Variants in TMEM135 observed in about 807,000 individuals in gnomAD.
TMEM135 encodes peroxisomal membrane protein 52.
TMEM135 carries 30 observed loss-of-function variants against 60.3 expected under a neutral mutation model. The ratio of observed to expected loss-of-function variants is 0.50; its 90% CI spans 0.37 to 0.68. The LOEUF (loss-of-function observed/expected upper bound fraction) is 0.68, where lower values mean the gene tolerates loss of function less well. TMEM135 is among the 30% of genes least tolerant of loss of function. The pLI, the probability that TMEM135 is intolerant of heterozygous loss-of-function variation, is 0.00. For synonymous variants in TMEM135, 190 were observed against 186.7 expected (o/e 1.02, Z -0.14); for missense variants, 468 against 548.8 (o/e 0.85, Z 1.47).
chr11:87,271,788 T>C (rs577071026), intron 6 of TMEM135, among the ~76,000 whole-genome samples: 1 of 151,538 alleles, frequency 6.6e-6, no homozygotes, highest in South Asian at 2.1e-4. Context: ...ACAAAAAAAA[T>C]ACCTGAGCTT....
Position 87,323,836 on chromosome 11 carries a change from G to T in TMEM135, c.*2503G>T, listed in dbSNP as rs1383144743. 2 of 452,518 alleles carry T rather than the reference G, an allele frequency of 4.4e-6. No homozygotes were observed. The highest frequency in any genetic ancestry group is 4.4e-6 in the Non-Finnish European group (1 of 226,428). The allele number at this position is 452,518 out of a possible 1,614,324, so 28.0% of individuals were successfully genotyped here. A position where few individuals can be genotyped will look rare whatever the true frequency, so the allele number is the denominator to read the frequency against. ...AGGATCCATTTTATTACTCATTTTT[G>T]AAGTAACACCTTTGGTTTAGTTTTA... On this transcript the variant is annotated 3_prime_UTR_variant, in exon 15 of 15. Transcript: ENST00000305494.
intron 5 of TMEM135, among the ~76,000 whole-genome samples, chr11:87,193,373 T>C (rs1353010510): frequency 2.0e-5 from 3 of 152,184 alleles, no homozygotes; most frequent in Non-Finnish European, 4.4e-5. Flanking sequence ...AAGATACAGA[T>C]TGTTATTTAG....
intron 5 of TMEM135, among the ~76,000 whole-genome samples, chr11:87,181,353 A>G (rs1394662278): frequency 1.3e-5 from 2 of 152,138 alleles, no homozygotes; most frequent in African/African-American, 4.8e-5. Flanking sequence ...AGGTATAACA[A>G]TTACGTCATA....
chr11:87,102,730 A>ATATATG (rs1857491026), intron 4 of TMEM135, among the ~76,000 whole-genome samples: 4 of 109,742 alleles, frequency 3.6e-5, no homozygotes, highest in South Asian at 7.0e-4. Context: ...ATATATATGT[A>ATATATG]TATATATATG....
chr11:87,316,745 T>C (rs1259090725), intron 12 of TMEM135, among the ~76,000 whole-genome samples: 1 of 151,986 alleles, frequency 6.6e-6, no homozygotes, highest in African/African-American at 2.4e-5. Context: ...TGAGATCTAG[T>C]TTATTAAAGG....
chr11:87,117,358 T>G (rs978019732), intron 4 of TMEM135, among the ~76,000 whole-genome samples: 11 of 152,162 alleles, frequency 7.2e-5, no homozygotes, highest in Non-Finnish European at 1.3e-4. Flanking sequence ...ATGAAAGATC[T>G]CTCTGAAGCA....
At chr11:87,261,448 A>G (rs1233480112) in intron 6 of TMEM135, among the ~76,000 whole-genome samples, 2 of 152,246 alleles carry the variant, frequency 1.3e-5, no homozygotes, top group South Asian at 2.1e-4. Context: ...CAAAAAAATT[A>G]GAAGTCTCCG....
intron 7 of TMEM135, 68 bp downstream of exon 7, chr11:87,295,891 C>T: frequency 7.1e-6 from 9 of 1,259,190 alleles, no homozygotes; most frequent in Non-Finnish European, 1.0e-5. Context: ...TACATAATTA[C>T]AATAAATAGG....
At chr11:87,170,073 G>C (rs1330418312) in intron 5 of TMEM135, among the ~76,000 whole-genome samples, 1 of 151,112 alleles carries the variant, frequency 6.6e-6, no homozygotes, top group Non-Finnish European at 1.5e-5. Context: ...CACTTGATCA[G>C]TTTGGCTATT....
At chr11:87,162,278 T>G (rs1294745017) in intron 5 of TMEM135, among the ~76,000 whole-genome samples, 1 of 152,122 alleles carries the variant, frequency 6.6e-6, no homozygotes, top group Non-Finnish European at 1.5e-5. Context: ...ACGTGCAGGT[T>G]TGTTGCATAG....
chr11:87,272,495 CTG>C (rs1941889026), intron 6 of TMEM135, among the ~76,000 whole-genome samples: 1 of 152,086 alleles, frequency 6.6e-6, no homozygotes, highest in Non-Finnish European at 1.5e-5. Flanking sequence ...GGATCTCACT[CTG>C]TCACCCAGGC....
At chr11:87,108,303 T>C (rs1244563343) in intron 4 of TMEM135, among the ~76,000 whole-genome samples, 1 of 152,198 alleles carries the variant, frequency 6.6e-6, no homozygotes, top group Non-Finnish European at 1.5e-5. Context: ...TTTGTTGCCA[T>C]TGCTTTTGGT....
At chr11:87,096,180 G>A (rs1591015789) in intron 4 of TMEM135, 5 of 300,166 alleles carry the variant, frequency 1.7e-5, no homozygotes, top group Non-Finnish European at 2.0e-5. Flanking sequence ...ACTAGCAAAA[G>A]TTTTTTATCC....
At chr11:87,291,540 T>TGAGACA (rs2135430174) in intron 6 of TMEM135, among the ~76,000 whole-genome samples, 3 of 128,508 alleles carry the variant, frequency 2.3e-5, no homozygotes, top group East Asian at 2.3e-4. Context: ...TTTTTTTTTT[T>TGAGACA]TTTTTTTTTG....
intron 6 of TMEM135, among the ~76,000 whole-genome samples, chr11:87,247,345 C>G (rs1941305511): frequency 1.3e-5 from 2 of 152,232 alleles, no homozygotes; most frequent in South Asian, 4.1e-4. Context: ...GTTCTCAGAT[C>G]TCCAGCTGTG....
chr11:87,187,231 G>A (rs1454211036), intron 5 of TMEM135, among the ~76,000 whole-genome samples: 2 of 152,122 alleles, frequency 1.3e-5, no homozygotes, highest in African/African-American at 4.8e-5. Context: ...ATGTGCCAGA[G>A]GTTACATAGC....
At chr11:87,199,111 C>T (rs1940035566) in intron 5 of TMEM135, among the ~76,000 whole-genome samples, 1 of 152,196 alleles carries the variant, frequency 6.6e-6, no homozygotes, top group African/African-American at 2.4e-5. Flanking sequence ...TCTGTAATCT[C>T]AGCACTTCGG....
At chr11:87,269,162 A>G (rs1395092109) in intron 6 of TMEM135, among the ~76,000 whole-genome samples, 1 of 151,578 alleles carries the variant, frequency 6.6e-6, no homozygotes, top group Non-Finnish European at 1.5e-5. Context: ...TTAATTAATA[A>G]CAGCTACAGA....
At chr11:87,074,262 G>A (rs928436566) in intron 3 of TMEM135, among the ~76,000 whole-genome samples, 10 of 152,168 alleles carry the variant, frequency 6.6e-5, no homozygotes, top group Admixed American at 2.0e-4. Flanking sequence ...TACTGGGCCC[G>A]GCCTGTCGGG....
Sources: allele counts gnomAD v4.1 joint callset (sites outside exome capture counted in the v4.1 genomes callset), GRCh38; gene constraint gnomAD v4.1.1; transcripts MANE v1.5; gene names NCBI Gene and HGNC (gene_info 2026-07-23, HGNC 2026-07-21).